Variants in OSBPL2 observed in about 807,000 individuals in gnomAD.
OSBPL2 encodes the protein oxysterol binding protein like 2, also known as oxysterol-binding protein-related protein 2.
A neutral mutation model predicts 58.4 loss-of-function variants in OSBPL2; 18 were observed. The observed-to-expected ratio is 0.31, with a 90% CI of 0.21 to 0.46. OSBPL2 has a LOEUF of 0.46. Ranked by LOEUF, OSBPL2 falls within the 20% of genes least tolerant of loss-of-function variation. The pLI, the probability that OSBPL2 is intolerant of heterozygous loss-of-function variation, is 1.00. For missense variants in OSBPL2, 461 were observed against 616.5 expected (o/e 0.75, Z 2.67); for synonymous variants, 221 against 234.1 (o/e 0.94, Z 0.51).
intron 13 of OSBPL2, among the ~76,000 whole-genome samples, chr20:62,292,407 G>T (rs1299614431): frequency 6.6e-6 from 1 of 152,266 alleles, no homozygotes; most frequent in African/African-American, 2.4e-5. Flanking sequence ...CCCGTGTGCT[G>T]TGCCGTGGCG....
intron 13 of OSBPL2, among the ~76,000 whole-genome samples, chr20:62,293,025 C>T (rs868051355): frequency 6.6e-5 from 10 of 151,846 alleles, no homozygotes; most frequent in Non-Finnish European, 1.3e-4. Flanking sequence ...CCTGCCACCA[C>T]GCCTGGCTAA....
Position 62,293,841 on chromosome 20 carries a change from G to C in OSBPL2, c.1397G>C (p.Gly466Ala). The change falls in exon 14 of 14, where the codon GGG becomes GCG. Residue 466 changes from glycine to alanine, a missense_variant. This residue lies in a region of OSBPL2 where 319 missense variants were observed against 419.2 expected (regional missense o/e 0.76). Transcript: ENST00000313733. Reference sequence around the variant, plus strand: ...GGGACCCCCGACTGGTTGTATGCAGGGGATTACTTTGAGCGGAATTTCTCC... The same window carrying C: ...GGGACCCCCGACTGGTTGTATGCAGCGGATTACTTTGAGCGGAATTTCTCC... The part of the protein sequence containing the change: ...YTGTPDWLYA[G>A]DYFERNFSDC... The C allele has an allele frequency of 6.2e-7, 1 of 1,614,128 alleles. No homozygotes were observed. Among genetic ancestry groups the C allele is most frequent in the Non-Finnish European group, 8.5e-7 (1 of 1,180,022 alleles).
At chr20:62,240,151 C>T (rs2145906330) in intron 1 of OSBPL2, among the ~76,000 whole-genome samples, 1 of 152,176 alleles carries the variant, frequency 6.6e-6, no homozygotes, top group East Asian at 1.9e-4. Context: ...CCGCGCCCTG[C>T]CATGAAATCA....
intron 12 of OSBPL2, among the ~76,000 whole-genome samples, chr20:62,290,387 C>T (rs1175853935): frequency 6.7e-6 from 1 of 149,240 alleles, no homozygotes; most frequent in Non-Finnish European, 1.5e-5. Context: ...AAGTGCATGC[C>T]ACTACACCTG....
intron 6 of OSBPL2, among the ~76,000 whole-genome samples, chr20:62,273,810 A>G (rs1479225875): frequency 1.3e-5 from 2 of 152,228 alleles, no homozygotes; most frequent in African/African-American, 2.4e-5. Flanking sequence ...CTATTGAAAA[A>G]GCAGGTAAAT....
chr20:62,244,167 G>T (rs1979932049), intron 1 of OSBPL2, among the ~76,000 whole-genome samples: 1 of 152,198 alleles, frequency 6.6e-6, no homozygotes, highest in African/African-American at 2.4e-5. Context: ...CGGGAGCCCT[G>T]CAGGACAACA....
At chr20:62,273,721 TTG>T (rs1216736707) in intron 6 of OSBPL2, among the ~76,000 whole-genome samples, 1 of 152,168 alleles carries the variant, frequency 6.6e-6, no homozygotes, top group Non-Finnish European at 1.5e-5. Flanking sequence ...ATGTGTAGGA[TTG>T]TTGTGAGCTT....
At chr20:62,261,611 A>C (rs1981315683) in intron 3 of OSBPL2, among the ~76,000 whole-genome samples, 1 of 151,760 alleles carries the variant, frequency 6.6e-6, no homozygotes. Context: ...CCCGTTTTCT[A>C]GCCCTGACTC....
chr20:62,277,752 G>C (rs1461658986), intron 6 of OSBPL2, among the ~76,000 whole-genome samples: 1 of 152,152 alleles, frequency 6.6e-6, no homozygotes, highest in Non-Finnish European at 1.5e-5. Flanking sequence ...AGTTAAGTTG[G>C]TAATTATGTG....
chr20:62,261,737 C>T (rs538633907), intron 3 of OSBPL2, among the ~76,000 whole-genome samples: 4 of 152,210 alleles, frequency 2.6e-5, no homozygotes, highest in Non-Finnish European at 5.9e-5. Context: ...CCTTTTATTC[C>T]TGTTGTTGTG....
intron 1 of OSBPL2, among the ~76,000 whole-genome samples, chr20:62,246,229 G>T (rs868227045): frequency 2.0e-5 from 3 of 152,224 alleles, no homozygotes. Flanking sequence ...GCCCCGGGAC[G>T]CTGTGTCCAG....
intron 3 of OSBPL2, among the ~76,000 whole-genome samples, chr20:62,260,878 T>A (rs1341916324): frequency 2.0e-5 from 3 of 151,976 alleles, no homozygotes; most frequent in Non-Finnish European, 2.9e-5. Flanking sequence ...TGGTCCCAGC[T>A]ACTTGGGAGG....
intron 4 of OSBPL2, among the ~76,000 whole-genome samples, chr20:62,267,020 C>T (rs1981714002): frequency 6.6e-6 from 1 of 152,122 alleles, no homozygotes; most frequent in East Asian, 1.9e-4. Flanking sequence ...GAGGCTGAGG[C>T]GAGAGGATCG....
At chr20:62,291,676 G>T in intron 12 of OSBPL2, 27 bp from the exon 13 acceptor site, 1 of 1,606,756 alleles carries the variant, frequency 6.2e-7, no homozygotes, top group South Asian at 1.1e-5. Context: ...GTCTCTGTCT[G>T]ACCTAAACTG....
intron 3 of OSBPL2, among the ~76,000 whole-genome samples, chr20:62,261,285 C>A (rs1981284924): frequency 7.0e-6 from 1 of 142,610 alleles, no homozygotes; most frequent in African/African-American, 2.6e-5. Flanking sequence ...CGCTGCACTC[C>A]AGCCTGGGTG....
chr20:62,258,151 A>G (rs1217464490), intron 2 of OSBPL2, among the ~76,000 whole-genome samples: 1 of 152,178 alleles, frequency 6.6e-6, no homozygotes, highest in Non-Finnish European at 1.5e-5. Flanking sequence ...CTGCATGGCA[A>G]GGCCTCTCCA....
chr20:62,246,016 A>G (rs1009860022), intron 1 of OSBPL2, among the ~76,000 whole-genome samples: 3 of 152,356 alleles, frequency 2.0e-5, no homozygotes, highest in South Asian at 4.1e-4. Flanking sequence ...ACGGCCCTCC[A>G]TCGTTGTGGG....
intron 1 of OSBPL2, among the ~76,000 whole-genome samples, chr20:62,252,450 G>A (rs1259713518): frequency 6.6e-6 from 1 of 152,216 alleles, no homozygotes; most frequent in Non-Finnish European, 1.5e-5. Flanking sequence ...CCACGCCTAA[G>A]AAGTGGCTGC....
chr20:62,267,601 T>G (rs1277241259), intron 4 of OSBPL2, among the ~76,000 whole-genome samples: 1 of 152,178 alleles, frequency 6.6e-6, no homozygotes, highest in Non-Finnish European at 1.5e-5. Context: ...TGTTTTTGTT[T>G]GTTTCAGTGA....
Sources: gnomAD v4.1 joint callset for allele counts (sites outside exome capture counted in the v4.1 genomes callset) on GRCh38, gnomAD v4.1.1 for gene constraint, gnomAD v4.1.1 regional missense constraint, MANE v1.5 for transcripts, NCBI Gene and HGNC (gene_info 2026-07-23, HGNC 2026-07-21) for gene names.